The following CD2 variants were observed in gnomAD, a reference collection of about 807,000 sequenced individuals.
CD2 encodes T-cell surface antigen CD2.
In CD2, 18 loss-of-function variants were observed where a neutral mutation model predicts 23.2. That is an observed-to-expected ratio of 0.77 (90% confidence interval 0.54 to 1.15). The LOEUF is 1.15. CD2 is among the 50% of genes most tolerant of loss of function. CD2 has a pLI of 0.00. For synonymous variants in CD2, 162 were observed against 151.9 expected, an observed-to-expected ratio of 1.07 and a Z score of -0.49; for missense variants, 424 against 423.1, an observed-to-expected ratio of 1.00 and a Z score of -0.02.
chr1:116,759,002 G>T (rs1446251470), intron 2 of CD2, among the ~76,000 whole-genome samples: 1 of 151,944 alleles, frequency 6.6e-6, no homozygotes, highest in Non-Finnish European at 1.5e-5. Context: ...CATTCAATTT[G>T]TCCATACACT....
At chr1:116,755,345 T>G (rs1442857305) in intron 2 of CD2, among the ~76,000 whole-genome samples, 3 of 152,200 alleles carry the variant, frequency 2.0e-5, no homozygotes, top group Non-Finnish European at 4.4e-5. Flanking sequence ...CAGCGGGCCT[T>G]TCATCGACAG....
intron 2 of CD2, among the ~76,000 whole-genome samples, chr1:116,759,195 C>G (rs1393604016): frequency 6.6e-6 from 1 of 152,110 alleles, no homozygotes; most frequent in African/African-American, 2.4e-5. Flanking sequence ...TCTTCCTTCT[C>G]AGTAACGCAG....
intron 2 of CD2, 166 bp downstream of exon 2, chr1:116,755,117 G>GCGACCACC: frequency 3.3e-6 from 2 of 609,228 alleles, no homozygotes; most frequent in Non-Finnish European, 5.9e-6. Flanking sequence ...GTCCAATGCG[G>GCGACCACC]GAATGGGATC....
At chr1:116,756,799 C>T (rs1351227053) in intron 2 of CD2, among the ~76,000 whole-genome samples, 1 of 152,092 alleles carries the variant, frequency 6.6e-6, no homozygotes, top group African/African-American at 2.4e-5. Flanking sequence ...TAGTTGGTCA[C>T]TATTACCAGA....
At chr1:116,757,649 TAAGAA>T (rs1651900263) in intron 2 of CD2, among the ~76,000 whole-genome samples, 1 of 152,078 alleles carries the variant, frequency 6.6e-6, no homozygotes, top group African/African-American at 2.4e-5. Context: ...TGATGTTCAT[TAAGAA>T]AAGAACTTCA....
intron 2 of CD2, among the ~76,000 whole-genome samples, chr1:116,757,124 G>A (rs1317412061): frequency 6.6e-6 from 1 of 151,662 alleles, no homozygotes; most frequent in African/African-American, 2.4e-5. Context: ...AGCCTCCCAA[G>A]TAGCTGGGAT....
At chr1:116,755,159 C>A in intron 2 of CD2, 1 of 583,328 alleles carries the variant, frequency 1.7e-6, no homozygotes, top group South Asian at 2.4e-5. Flanking sequence ...AGTCTACCTG[C>A]CTACAACTCT....
At chr1:116,758,289 T>A (rs1436192481) in intron 2 of CD2, among the ~76,000 whole-genome samples, 1 of 151,994 alleles carries the variant, frequency 6.6e-6, no homozygotes, top group Non-Finnish European at 1.5e-5. Context: ...GGAAGCTGGC[T>A]TGGGGAGGAA....
chr1:116,758,298 A>C (rs1347536088), intron 2 of CD2, among the ~76,000 whole-genome samples: 2 of 151,954 alleles, frequency 1.3e-5, no homozygotes, highest in Non-Finnish European at 2.9e-5. Context: ...CTTGGGGAGG[A>C]AGACAGGAAC....
chr1:116,757,750 T>TAGAG (rs1282413018), intron 2 of CD2, among the ~76,000 whole-genome samples: 3 of 149,222 alleles, frequency 2.0e-5, no homozygotes, highest in African/African-American at 7.4e-5. Context: ...CATATATATA[T>TAGAG]ATAGAGAGAG....
chr1:116,757,938 C>T (rs1369724274), intron 2 of CD2, among the ~76,000 whole-genome samples: 2 of 151,728 alleles, frequency 1.3e-5, no homozygotes. Flanking sequence ...CCTGGCTAAT[C>T]TTCATATTTT....
At position 116,764,604 on chromosome 1, in the gene CD2, A is replaced by G. The variant is rs778834405; in HGVS notation, c.734A>G (p.Asn245Ser). ...TKRKKQRSRR[N>S]DEELETRAHR... The stretch of plus-strand genomic sequence containing the variant: ...AGGAAAAAACAGAGGAGTCGGAGAA[A>G]TGGTAAGCTCCCCCTCTTTTGTCCC... Residue 245 changes from asparagine (N) to serine (S), a missense_variant and splice_region_variant, in exon 4 of 5, where the codon AAT (asparagine) becomes AGT (serine). Asn to Ser is a conservative substitution (Grantham distance 46, BLOSUM62 1). Transcript: ENST00000369478. The G allele has an allele frequency of 1.4e-5, 22 of 1,613,454 alleles. No homozygotes were observed. Among genetic ancestry groups the G allele is most frequent in the Non-Finnish European group, 5.1e-6 (6 of 1,179,616 alleles).
intron 2 of CD2, among the ~76,000 whole-genome samples, chr1:116,757,506 G>A (rs1381540258): frequency 2.6e-5 from 4 of 152,004 alleles, no homozygotes; most frequent in African/African-American, 4.8e-5. Context: ...TGTATACGGA[G>A]GTACTACTCC....
In CD2 at chr1:116,754,894, A is replaced by C. The variant is rs1263494129; in HGVS notation, c.325A>C (p.Ile109Leu). The change falls in exon 2 of 5, where the codon ATA becomes CTA. Residue 109 changes from isoleucine to leucine, a missense_variant. Physicochemically the swap from Ile to Leu is conservative, Grantham distance 5 (BLOSUM62 2). Transcript: ENST00000369478. ...TDDQDIYKVS[I>L]YDTKGKNVLE... ...TGATCAGGATATCTACAAGGTATCA[A>C]TATATGATACAAAAGGAAAAAATGT... 1 of 1,605,414 alleles carries C rather than the reference A, an allele frequency of 6.2e-7. No individual in the cohort carries two copies. The highest frequency in any genetic ancestry group is 2.2e-5 in the East Asian group (1 of 44,868).
chr1:116,764,240 C>G (rs1652143539), intron 3 of CD2, among the ~76,000 whole-genome samples: 2 of 152,144 alleles, frequency 1.3e-5, no homozygotes, highest in East Asian at 3.9e-4. Flanking sequence ...GGTGCATGAA[C>G]AATCAGGCAT....
chr1:116,763,857 A>G (rs749564579), intron 3 of CD2, among the ~76,000 whole-genome samples: 27 of 152,080 alleles, frequency 1.8e-4, no homozygotes, highest in Non-Finnish European at 3.4e-4. Flanking sequence ...CGCACTGTGC[A>G]CCCGGGTTTC....
At chr1:116,768,166 G>A (rs1288567010) in intron 4 of CD2, among the ~76,000 whole-genome samples, 5 of 152,150 alleles carry the variant, frequency 3.3e-5, no homozygotes, top group African/African-American at 4.8e-5. Flanking sequence ...ACAGAGGTAG[G>A]GTTCCAGGTC....
intron 2 of CD2, 61 bp from the exon 3 acceptor site, chr1:116,760,341 G>A: frequency 3.0e-6 from 4 of 1,336,962 alleles, no homozygotes; most frequent in Non-Finnish European, 4.2e-6. Flanking sequence ...TGTATAAATA[G>A]ATATGTTTAT....
intron 4 of CD2, among the ~76,000 whole-genome samples, chr1:116,766,946 A>G (rs1198989661): frequency 6.6e-6 from 1 of 152,146 alleles, no homozygotes. Context: ...CACATAGGAG[A>G]TGAAGAAGGA....
Sources: allele counts gnomAD v4.1 joint callset (sites outside exome capture counted in the v4.1 genomes callset), GRCh38; gene constraint gnomAD v4.1.1; transcripts MANE v1.5; gene names NCBI Gene and HGNC (gene_info 2026-07-23, HGNC 2026-07-21).